Variants in NDUFAF6 observed in about 807,000 individuals in gnomAD.
NDUFAF6 encodes NADH dehydrogenase (ubiquinone) complex I, assembly factor 6.
In NDUFAF6, 45 loss-of-function variants were observed where a neutral mutation model predicts 40.8. That is an observed-to-expected ratio of 1.10 (90% confidence interval 0.87 to 1.42). NDUFAF6 has a LOEUF of 1.42. Among genes scored for constraint, NDUFAF6 ranks in the 40% most tolerant of loss-of-function variants. The pLI is 0.00. For missense variants in NDUFAF6, 435 were observed against 418.5 expected (o/e 1.04, Z -0.34); for synonymous variants, 185 against 155.9 (o/e 1.19, Z -1.39).
chr8:94,955,491 A>G (rs1371627147), upstream of NDUFAF6, among the ~76,000 whole-genome samples: 1 of 152,236 alleles, frequency 6.6e-6, no homozygotes, highest in African/African-American at 2.4e-5. Context: ...ACACTGTTGC[A>G]TTGGGGATTT....
chr8:95,062,489 AATGTTTTAGACAGG>A (rs1228447324), downstream of NDUFAF6, among the ~76,000 whole-genome samples: 1 of 152,222 alleles, frequency 6.6e-6, no homozygotes, highest in Non-Finnish European at 1.5e-5. Flanking sequence ...TGAGAAATTG[AATGTTTTAGACAGG>A]ATGTGTCCTC....
intron 1 of NDUFAF6, among the ~76,000 whole-genome samples, chr8:94,920,831 CAGCTG>C (rs1819452159): frequency 6.6e-6 from 1 of 152,230 alleles, no homozygotes; most frequent in Admixed American, 6.5e-5. Flanking sequence ...CATTCAGCTG[CAGCTG>C]AGCCTCCGAA....
intron 1 of NDUFAF6, among the ~76,000 whole-genome samples, chr8:94,962,620 T>TG (rs368624399): frequency 0.5 from 75,611 of 149,824 alleles, 19,516 homozygotes; most frequent in East Asian, 0.72. Context: ...TTTTTTGTTT[T>TG]TTTTTTTTTT....
chr8:95,003,461 G>A (rs1404155932), intron 2 of NDUFAF6, among the ~76,000 whole-genome samples: 1 of 152,198 alleles, frequency 6.6e-6, no homozygotes, highest in Non-Finnish European at 1.5e-5. Context: ...GGTATACTAA[G>A]AGGAGCAGAA....
In NDUFAF6 at chr8:94,994,443, A is replaced by G. The variant is rs893161752; in HGVS notation, c.-84+13470A>G. On this transcript the variant is annotated intron_variant, in intron 2 of 9. Coordinates refer to the NDUFAF6 transcript ENST00000396111. Reference sequence around the variant, plus strand: ...GCTGGCACCTGTATTCCCAGCTACTAGGGAGGCTGAGGCAGGAGAATCGCT... The same window carrying G: ...GCTGGCACCTGTATTCCCAGCTACTGGGGAGGCTGAGGCAGGAGAATCGCT... Among the ~76,000 whole-genome samples the G allele has an allele frequency of 4.6e-5, 7 of 151,704 alleles. No homozygotes were observed. The East Asian group carries it at 1.4e-3, about 29-fold the overall frequency.
At chr8:95,054,503 C>T (rs1038306927) in intron 8 of NDUFAF6, among the ~76,000 whole-genome samples, 3 of 150,708 alleles carry the variant, frequency 2.0e-5, no homozygotes, top group Non-Finnish European at 2.9e-5. Context: ...GGCATGATCT[C>T]GGCTCACTGC....
chr8:95,021,755 A>C (rs1356704519), upstream of NDUFAF6, among the ~76,000 whole-genome samples: 1 of 152,212 alleles, frequency 6.6e-6, no homozygotes, highest in Non-Finnish European at 1.5e-5. Context: ...CAGTAAATAT[A>C]TATAAGTGTT....
intron 6 of NDUFAF6, among the ~76,000 whole-genome samples, chr8:95,047,512 T>TC (rs1445681323): frequency 1.4e-5 from 2 of 147,732 alleles, no homozygotes; most frequent in African/African-American, 4.9e-5. Flanking sequence ...TCTTTTCTTT[T>TC]TTTTTTTTTT....
intron 1 of NDUFAF6, among the ~76,000 whole-genome samples, chr8:94,966,825 G>A (rs548505053): frequency 6.6e-6 from 1 of 152,288 alleles, no homozygotes; most frequent in East Asian, 1.9e-4. Flanking sequence ...GCGGGAAAGC[G>A]GAAGAGGCCA....
intron 1 of NDUFAF6, among the ~76,000 whole-genome samples, chr8:94,899,328 C>G (rs1817865493): frequency 6.6e-6 from 1 of 152,242 alleles, no homozygotes; most frequent in Non-Finnish European, 1.5e-5. Context: ...CTCTAGATGT[C>G]CACAGAACAC....
intron 1 of NDUFAF6, among the ~76,000 whole-genome samples, chr8:94,959,379 A>G (rs977369931): frequency 6.6e-6 from 1 of 152,222 alleles, no homozygotes; most frequent in African/African-American, 2.4e-5. Context: ...AAGGAGGTCA[A>G]TGGGTTCTTG....
chr8:95,063,685 C>T (rs143707484), downstream of NDUFAF6, among the ~76,000 whole-genome samples: 553 of 152,262 alleles, frequency 3.6e-3, 4 homozygotes, highest in African/African-American at 0.012. Flanking sequence ...ATCTTCCCAG[C>T]TGCTTAGTTA....
At chr8:95,100,245 G>T (rs987576045), upstream of NDUFAF6, 1 of 144,876 alleles carries the variant, frequency 6.9e-6, no homozygotes, top group Middle Eastern at 3.2e-3. Context: ...TCCTCCTCAG[G>T]ATGTGGTCTG....
At chr8:94,977,096 A>C (rs1825016113) in intron 1 of NDUFAF6, among the ~76,000 whole-genome samples, 1 of 148,318 alleles carries the variant, frequency 6.7e-6, no homozygotes, top group South Asian at 2.1e-4. Flanking sequence ...CCATGATTGC[A>C]CCACTGCACT....
chr8:94,942,175 T>C (rs983974411), intron 1 of NDUFAF6, among the ~76,000 whole-genome samples: 4 of 151,948 alleles, frequency 2.6e-5, no homozygotes, highest in African/African-American at 9.7e-5. Flanking sequence ...TAGCTGGGAC[T>C]ACAGGCGCCC....
chr8:95,101,214 C>T (rs1809635563), exon 2 of NDUFAF6: 1 of 152,138 alleles, frequency 6.6e-6, no homozygotes, highest in Admixed American at 6.5e-5. Flanking sequence ...CTGGCAGCAC[C>T]CTCAGTTCCC....
At chr8:95,078,662 A>AAAAAAAAAAATATATATATATATATATAT (rs545018367), downstream of NDUFAF6, 1 of 121,052 alleles carries the variant, frequency 8.3e-6, no homozygotes, top group African/African-American at 3.3e-5. Flanking sequence ...AAAAAAAAAA[A>AAAAAAAAAAATATATATATATATATATAT]ATATATATAT....
intron 2 of NDUFAF6, among the ~76,000 whole-genome samples, chr8:95,082,079 A>C (rs4999421): frequency 0.89 from 135,060 of 151,676 alleles, 60,367 homozygotes; most frequent in East Asian, 1. Context: ...AAAACAACAA[A>C]AAAAAAAAAA....
upstream of NDUFAF6, among the ~76,000 whole-genome samples, chr8:95,023,852 G>C (rs934048165): frequency 6.6e-6 from 1 of 152,246 alleles, no homozygotes; most frequent in South Asian, 2.1e-4. Flanking sequence ...TTAGCTGGAC[G>C]TGGTGGCGTG....
Sources: allele counts gnomAD v4.1 joint callset (sites outside exome capture counted in the v4.1 genomes callset), GRCh38; gene constraint gnomAD v4.1.1; transcripts MANE v1.5; gene names NCBI Gene and HGNC (gene_info 2026-07-23, HGNC 2026-07-21).